LAMB4: variants seen among roughly 807,000 people sequenced by gnomAD.
The protein encoded by LAMB4 is laminin subunit beta-4.
LAMB4 carries 196 observed loss-of-function variants against 199.2 expected under a neutral mutation model. The observed-to-expected ratio is 0.98, with a 90% CI of 0.88 to 1.11. The LOEUF is 1.11. Ranked by LOEUF, LAMB4 falls within the 50% of genes least tolerant of loss-of-function variation. The probability of loss-of-function intolerance (pLI) is 0.00; values close to 1 mark genes in which losing one functional copy is unlikely to be tolerated. For missense variants in LAMB4, 2,080 were observed against 2,171.2 expected (o/e 0.96, Z 0.83); for synonymous variants, 744 against 770.6 (o/e 0.97, Z 0.57).
intron 25 of LAMB4, among the ~76,000 whole-genome samples, chr7:108,054,911 G>A (rs1391301550): frequency 6.6e-6 from 1 of 152,160 alleles, no homozygotes; most frequent in Non-Finnish European, 1.5e-5. Flanking sequence ...GCATTTTCAA[G>A]AAATGACCAT....
Position 108,048,127 on chromosome 7 carries a change from AT to A in LAMB4, c.4123-17del. ...CTCCGCACACCTTGCAAGAGAAATG[AT>A]TTACGTTAAATAGCAACTTGTTGTC... On this transcript the variant is annotated splice_polypyrimidine_tract_variant and intron_variant, in intron 27 of 33. Transcript: ENST00000388781. 1 of 859,798 alleles carries A rather than the reference AT, an allele frequency of 1.2e-6. No individual in the cohort carries two copies. Among genetic ancestry groups the A allele is most frequent in the Non-Finnish European group, 1.8e-6 (1 of 553,678 alleles). 53.3% of individuals were successfully genotyped at this position (859,798 alleles called of 1,614,324 possible).
Position 108,107,668 on chromosome 7 carries a change from G to A in LAMB4, c.554C>T (p.Ser185Phe), listed in dbSNP as rs780430257. 1.2e-6 allele frequency: 2 copies of A among 1,611,776 alleles called. No homozygotes were observed. The highest frequency in any genetic ancestry group is 4.5e-5 in the East Asian group (2 of 44,822). ...AQGVGDIVCD[S>F]KYSDIEPSTG... ...TGAGGGTTCAATATCCGAGTATTTG[G>A]AGTCACAAACAATGTCTCCCACTCC... The change falls in exon 6 of 34, where the codon TCC becomes TTC. Residue 185 changes from serine (S) to phenylalanine (F), a missense_variant. By Grantham distance (155) the Ser-to-Phe change is radical. Coordinates refer to ENST00000388781, the MANE Select transcript of LAMB4 (RefSeq NM_007356.3).
intron 23 of LAMB4, among the ~76,000 whole-genome samples, chr7:108,062,026 C>T (rs982608014): frequency 5.3e-5 from 8 of 151,904 alleles, no homozygotes; most frequent in Non-Finnish European, 1.2e-4. Flanking sequence ...TTGTTTTTAC[C>T]CTTTCTCCCC....
chr7:108,115,998 A>G lies in LAMB4; in HGVS notation c.192+6T>C, dbSNP rs2038391397. On this transcript the variant is annotated splice_donor_region_variant and intron_variant, in intron 3 of 33. Coordinates refer to ENST00000388781, the MANE Select transcript of LAMB4 (RefSeq NM_007356.3). ...GTCCCAGCAAATAAACAAAGAGCCAACCCACCTCCAGGTAACTGAGGATGC... is the reference window on the plus strand; with the variant it reads ...GTCCCAGCAAATAAACAAAGAGCCAGCCCACCTCCAGGTAACTGAGGATGC... 1.2e-6 allele frequency: 2 copies of G among 1,608,958 alleles called. No individual in the cohort carries two copies. The highest frequency in any genetic ancestry group is 1.3e-5 in the African/African-American group (1 of 74,730).
At chr7:108,022,766 A>C (rs2034718465), downstream of LAMB4, among the ~76,000 whole-genome samples, 1 of 152,108 alleles carries the variant, frequency 6.6e-6, no homozygotes, top group Non-Finnish European at 1.5e-5. Context: ...TTTCATATTT[A>C]TGTATAATTC....
intron 28 of LAMB4, among the ~76,000 whole-genome samples, chr7:108,044,672 C>A (rs2035551874): frequency 6.6e-6 from 1 of 152,148 alleles, no homozygotes; most frequent in Admixed American, 6.5e-5. Flanking sequence ...ATAAAATCCG[C>A]TGGGCATGGT....
At chr7:108,125,650 G>C (rs142396366) in intron 1 of LAMB4, among the ~76,000 whole-genome samples, 10 of 152,330 alleles carry the variant, frequency 6.6e-5, no homozygotes, top group African/African-American at 2.2e-4. Flanking sequence ...ACTGTTTCCA[G>C]CTACAAATGA....
At chr7:108,081,101 GACA>G (rs2036919764) in intron 14 of LAMB4, among the ~76,000 whole-genome samples, 2 of 152,130 alleles carry the variant, frequency 1.3e-5, no homozygotes, top group South Asian at 4.2e-4. Flanking sequence ...CAGCCTGGGC[GACA>G]GAGCGAGGAA....
intron 30 of LAMB4, among the ~76,000 whole-genome samples, chr7:108,036,443 C>T (rs1172888884): frequency 6.6e-6 from 1 of 152,202 alleles, no homozygotes; most frequent in Admixed American, 6.5e-5. Flanking sequence ...CCGCCTCAGC[C>T]TCCTAAAGTG....
Position 108,062,822 on chromosome 7 carries a change from C to CT in LAMB4, c.3233dup (p.Ser1079ValfsTer3). The CT allele has an allele frequency of 6.5e-7, 1 of 1,544,986 alleles. No individual in the cohort carries two copies. The highest frequency in any genetic ancestry group is 1.3e-5 in the South Asian group (1 of 79,386). On this transcript the variant is annotated frameshift_variant, in exon 23 of 34. Transcript: ENST00000388781. LOFTEE classifies it high-confidence loss of function. ...AGGTCCTAGGGTCACAGTCACATGA[C>CT]TGACATCCTCTGCCAGGGACCAGAT...
intron 29 of LAMB4, among the ~76,000 whole-genome samples, chr7:108,038,538 G>A (rs2035309743): frequency 6.6e-6 from 1 of 152,226 alleles, no homozygotes; most frequent in South Asian, 2.1e-4. Context: ...AGTGTAAGAT[G>A]AACTGTTAGA....
At chr7:108,100,240 A>G (rs73197611) in intron 10 of LAMB4, among the ~76,000 whole-genome samples, 35 of 152,330 alleles carry the variant, frequency 2.3e-4, no homozygotes, top group Admixed American at 4.6e-4. Context: ...TTTATTATCA[A>G]GTAGTTGAGT....
intron 30 of LAMB4, among the ~76,000 whole-genome samples, chr7:108,034,549 G>A (rs1397236784): frequency 1.3e-5 from 2 of 152,092 alleles, no homozygotes; most frequent in South Asian, 2.1e-4. Context: ...CCCCACACAC[G>A]TATATATTCA....
intron 1 of LAMB4, among the ~76,000 whole-genome samples, chr7:108,128,159 T>C (rs2038859553): frequency 6.6e-6 from 1 of 152,166 alleles, no homozygotes; most frequent in South Asian, 2.1e-4. Context: ...GAAAATGCTG[T>C]ATGAACTGCA....
chr7:108,105,252 T>TGA (rs2037960558), intron 8 of LAMB4, among the ~76,000 whole-genome samples: 2 of 152,298 alleles, frequency 1.3e-5, no homozygotes, highest in South Asian at 4.1e-4. Flanking sequence ...TCCCCCAAGA[T>TGA]GAGAGAGATC....
chr7:108,064,331 G>A lies in LAMB4; in HGVS notation c.2837-346C>T, dbSNP rs549807078. Among the ~76,000 whole-genome samples the A allele has an allele frequency of 3.9e-5, 6 of 152,280 alleles. No homozygotes were observed. The East Asian group carries it at 1.2e-3, about 29-fold the overall frequency. On this transcript the variant is annotated intron_variant, in intron 21 of 33. Transcript: ENST00000388781. ...GACCCAAGACTAATCTCAGCCCCTGGTCTCCTGGGGCAACCCACTCTCAGT... is the reference window on the plus strand; with the variant it reads ...GACCCAAGACTAATCTCAGCCCCTGATCTCCTGGGGCAACCCACTCTCAGT...
chr7:108,081,446 G>C (rs775279398), intron 14 of LAMB4, among the ~76,000 whole-genome samples: 1 of 152,184 alleles, frequency 6.6e-6, no homozygotes, highest in East Asian at 1.9e-4. Context: ...ACCATGTCTC[G>C]CTCTGCTCTT....
chr7:108,112,630 G>A (rs138412468), intron 3 of LAMB4, among the ~76,000 whole-genome samples: 1 of 152,172 alleles, frequency 6.6e-6, no homozygotes, highest in African/African-American at 2.4e-5. Flanking sequence ...AACAGCAAAG[G>A]CTGGCCTTTG....
At chr7:108,034,415 G>T in intron 30 of LAMB4, 69 bp from the exon 31 acceptor site, 1 of 1,267,172 alleles carries the variant, frequency 7.9e-7, no homozygotes, top group Non-Finnish European at 1.1e-6. Context: ...CCTTGAGAGA[G>T]TTCATTTGAC....
Sources: gnomAD v4.1 joint callset for allele counts (sites outside exome capture counted in the v4.1 genomes callset) on GRCh38, gnomAD v4.1.1 for gene constraint, MANE v1.5 for transcripts, NCBI Gene and HGNC (gene_info 2026-07-23, HGNC 2026-07-21) for gene names.